Variants in COL10A1 observed in about 807,000 individuals in gnomAD.
COL10A1 encodes collagen alpha-1(X) chain.
In COL10A1, 10 loss-of-function variants were observed where a neutral mutation model predicts 18.2. The ratio of observed to expected loss-of-function variants is 0.55; its 90% CI spans 0.34 to 0.93. The LOEUF (loss-of-function observed/expected upper bound fraction) is 0.93. Among genes scored for constraint, COL10A1 ranks in the 40% least tolerant of loss-of-function variants. COL10A1 has a pLI of 0.02. For synonymous variants in COL10A1, 330 were observed against 316.6 expected (o/e 1.04, Z -0.45); for missense variants, 897 against 853.5 (o/e 1.05, Z -0.64).
chr6:116,151,552 A>G (rs1780038368), intron 1 of COL10A1, among the ~76,000 whole-genome samples: 1 of 152,216 alleles, frequency 6.6e-6, no homozygotes, highest in Non-Finnish European at 1.5e-5. Context: ...CTATTAAGTA[A>G]TGTATATATG....
intron 1 of COL10A1, among the ~76,000 whole-genome samples, chr6:116,143,341 G>C (rs1195319397): frequency 2.0e-5 from 3 of 152,068 alleles, no homozygotes; most frequent in Non-Finnish European, 1.5e-5. Context: ...CTCTCAAGTA[G>C]CTGGGATTAT....
chr6:116,209,658 A>C, the COL10A1 span, among the ~76,000 whole-genome samples: 1 of 151,808 alleles, frequency 6.6e-6, no homozygotes, highest in Non-Finnish European at 1.5e-5. Context: ...GAAGGGAGAT[A>C]ATATTTATGC....
chr6:116,152,228 A>C (rs1328853664), intron 1 of COL10A1, among the ~76,000 whole-genome samples: 1 of 152,194 alleles, frequency 6.6e-6, no homozygotes, highest in Non-Finnish European at 1.5e-5. Flanking sequence ...TATGATTAGA[A>C]AATACAGGAG....
At chr6:116,153,225 A>C (rs1484522234) in intron 1 of COL10A1, among the ~76,000 whole-genome samples, 1 of 152,090 alleles carries the variant, frequency 6.6e-6, no homozygotes, top group East Asian at 1.9e-4. Context: ...TAAAACTTAT[A>C]ACCTTGTCTG....
chr6:116,156,020 T>C (rs1780184227), intron 1 of COL10A1, among the ~76,000 whole-genome samples: 2 of 152,196 alleles, frequency 1.3e-5, no homozygotes, highest in African/African-American at 4.8e-5. Flanking sequence ...GAGTAGCTTT[T>C]ATCTCCTGTA....
rs1554192883 is a variant in COL10A1 at position 116,120,067 on chromosome 6, G to GGGA, written c.*5_*6insTCC. ...AGCACAAGATTTAGATTAGCTCTGT[G>GGGA]TGTACTCACATTGGAGCCACTAGGA... On this transcript the variant is annotated 3_prime_UTR_variant, in exon 3 of 3. Coordinates refer to ENST00000651968, the MANE Select transcript of COL10A1 (RefSeq NM_000493.4). The GGGA allele has an allele frequency of 6.8e-7, 1 of 1,461,454 alleles. No homozygotes were observed. The highest frequency in any genetic ancestry group is 9.0e-7 in the Non-Finnish European group (1 of 1,111,368). The allele number at this position is 1,461,454 out of a possible 1,614,324, so 90.5% of individuals were successfully genotyped here. A position where few individuals can be genotyped will look rare whatever the true frequency, so the allele number is the denominator to read the frequency against.
chr6:116,176,959 A>G, the COL10A1 span, among the ~76,000 whole-genome samples: 11 of 152,340 alleles, frequency 7.2e-5, no homozygotes, highest in Admixed American at 6.5e-4. Context: ...TAAGAACTTT[A>G]GATATAATTT....
upstream of COL10A1, among the ~76,000 whole-genome samples, chr6:116,130,806 T>G (rs1562130378): frequency 6.6e-6 from 1 of 152,148 alleles, no homozygotes. Flanking sequence ...AGTAATATAG[T>G]TATTCATTTG....
the COL10A1 span, among the ~76,000 whole-genome samples, chr6:116,207,155 A>G: frequency 6.6e-6 from 1 of 151,974 alleles, no homozygotes; most frequent in South Asian, 2.1e-4. Context: ...CTCTGCATTA[A>G]TAACTATACC....
Position 116,121,502 on chromosome 6 carries a change from G to A in COL10A1, c.614C>T (p.Pro205Leu). The A allele has an allele frequency of 1.9e-6, 3 of 1,614,108 alleles. No homozygotes were observed. The highest frequency in any genetic ancestry group is 2.5e-6 in the Non-Finnish European group (3 of 1,179,994). ...TGGTCCTGTGGGACCCTGAGGGCCT[G>A]GAAGACCCCTCTCACCTGGACGACC... The part of the protein sequence containing the change: ...APGRPGERGL[P>L]GPQGPTGPSG... The change falls in exon 3 of 3, where the codon CCA (proline) becomes CTA (leucine). Residue 205 changes from proline (P) to leucine (L), a missense_variant. Coordinates refer to ENST00000651968, the MANE Select transcript of COL10A1 (RefSeq NM_000493.4).
rs763500298 is a variant in COL10A1 at position 116,125,420 on chromosome 6, A to G, written c.73T>C (p.Tyr25His). 4 of 1,613,908 alleles carry G rather than the reference A, an allele frequency of 2.5e-6. No individual in the cohort carries two copies. In the South Asian group the frequency reaches 4.4e-5, roughly 18 times the overall value. Residue 25 changes from tyrosine to histidine, a missense_variant, in exon 2 of 3, where the codon TAC becomes CAC. Physicochemically the swap from Tyr to His is moderately conservative, Grantham distance 83. Coordinates refer to ENST00000651968, the MANE Select transcript of COL10A1 (RefSeq NM_000493.4). ...CCTTTTATGCCTGTGGGCATTTGGT[A>G]TCGTTCAGCGTAAAACACTCCATGA... ...LVHGVFYAER[Y>H]QMPTGIKGPL...
chr6:116,159,254 A>G (rs1454371199), upstream of COL10A1, among the ~76,000 whole-genome samples: 1 of 152,062 alleles, frequency 6.6e-6, no homozygotes, highest in East Asian at 1.9e-4. Flanking sequence ...TTAAAAATTG[A>G]TTTCACCGTA....
intron 1 of COL10A1, among the ~76,000 whole-genome samples, chr6:116,133,882 A>G (rs1223460452): frequency 6.6e-6 from 1 of 152,234 alleles, no homozygotes; most frequent in Non-Finnish European, 1.5e-5. Flanking sequence ...CAAATAGAAA[A>G]TAAAATGTAT....
intron 1 of COL10A1, among the ~76,000 whole-genome samples, chr6:116,147,188 C>A (rs1487923470): frequency 6.6e-6 from 1 of 151,838 alleles, no homozygotes; most frequent in African/African-American, 2.4e-5. Context: ...CACCTGTAAT[C>A]CTAGCACTTT....
chr6:116,178,110 CGTGTGTGTGT>C, the COL10A1 span, among the ~76,000 whole-genome samples: 95 of 117,562 alleles, frequency 8.1e-4, no homozygotes, highest in African/African-American at 2.8e-3. Flanking sequence ...CGCGTGCGTG[CGTGTGTGTGT>C]GTGTGTGTGT....
At chr6:116,135,751 T>C (rs1020766638) in intron 1 of COL10A1, among the ~76,000 whole-genome samples, 21 of 149,710 alleles carry the variant, frequency 1.4e-4, no homozygotes, top group Non-Finnish European at 2.8e-4. Context: ...AATACTCAGC[T>C]TAAAAAATTT....
In COL10A1 at chr6:116,119,132, C is replaced by T. The variant is rs181441453; in HGVS notation, c.*941G>A. 4 of 152,714 alleles carry T rather than the reference C, an allele frequency of 2.6e-5. No individual in the cohort carries two copies. The East Asian group carries it at 7.7e-4, about 29-fold the overall frequency. 9.5% of individuals were successfully genotyped at this position (152,714 alleles called of 1,614,324 possible). On this transcript the variant is annotated 3_prime_UTR_variant, in exon 3 of 3. Transcript: ENST00000651968. The stretch of plus-strand genomic sequence containing the variant: ...AGTTTTAAACAGCAATATAAAAATA[C>T]AGTACAGTGCATAAATAAATAATAT...
the COL10A1 span, among the ~76,000 whole-genome samples, chr6:116,186,068 TG>T: frequency 1.4e-4 from 22 of 152,220 alleles, no homozygotes; most frequent in Non-Finnish European, 5.9e-5. Flanking sequence ...CTTTTGGTAA[TG>T]GCAAATTCTC....
the COL10A1 span, among the ~76,000 whole-genome samples, chr6:116,214,382 C>T: frequency 4.6e-5 from 7 of 152,076 alleles, no homozygotes; most frequent in African/African-American, 1.7e-4. Context: ...CAGATTTGAG[C>T]ATTTTTATCA....
Sources: allele counts gnomAD v4.1 joint callset (sites outside exome capture counted in the v4.1 genomes callset), GRCh38; gene constraint gnomAD v4.1.1; transcripts MANE v1.5; gene names NCBI Gene and HGNC (gene_info 2026-07-23, HGNC 2026-07-21).